Variants in ARHGAP42 observed in about 807,000 individuals in gnomAD.
The protein encoded by ARHGAP42 is rho GTPase-activating protein 42.
In ARHGAP42, 63 loss-of-function variants were observed where a neutral mutation model predicts 125.0. The ratio of observed to expected loss-of-function variants is 0.50; its 90% CI spans 0.41 to 0.62. The LOEUF (loss-of-function observed/expected upper bound fraction) is 0.62, where lower values mean the gene tolerates loss of function less well. Among genes scored for constraint, ARHGAP42 ranks in the 20% least tolerant of loss-of-function variants. The pLI is 0.00. For missense variants in ARHGAP42, 766 were observed against 1,024.2 expected, an observed-to-expected ratio of 0.75 and a Z score of 3.44; for synonymous variants, 339 against 351.0, an observed-to-expected ratio of 0.97 and a Z score of 0.38.
At position 100,989,163 on chromosome 11, in the gene ARHGAP42, C is replaced by G. The variant is rs1858765543; in HGVS notation, c.*362C>G. 2.5e-6 allele frequency: 1 copy of G among 399,698 alleles called. No homozygotes were observed. Among genetic ancestry groups the G allele is most frequent in the Admixed American group, 4.4e-5 (1 of 22,976 alleles). The allele number at this position is 399,698 out of a possible 1,614,324, so 24.8% of individuals were successfully genotyped here. Reference sequence around the variant, plus strand: ...AAATCTGCTATATGGATTTTGAGATCTGTCCTTTACTGCCTGGCATTCTCT... The same window carrying G: ...AAATCTGCTATATGGATTTTGAGATGTGTCCTTTACTGCCTGGCATTCTCT... On this transcript the variant is annotated 3_prime_UTR_variant, in exon 24 of 24. Coordinates refer to ENST00000298815, the MANE Select transcript of ARHGAP42 (RefSeq NM_152432.4).
intron 1 of ARHGAP42, among the ~76,000 whole-genome samples, chr11:100,749,970 T>C (rs947913156): frequency 2.0e-5 from 3 of 152,204 alleles, no homozygotes; most frequent in Admixed American, 6.5e-5. Context: ...TCCGCGTTGC[T>C]GAGAGCTCAG....
At chr11:100,917,052 T>TG (rs1565274728) in intron 5 of ARHGAP42, among the ~76,000 whole-genome samples, 1 of 145,330 alleles carries the variant, frequency 6.9e-6, no homozygotes, top group South Asian at 2.2e-4. Flanking sequence ...TGTGTGTGTG[T>TG]TACACATCAA....
At chr11:100,928,121 T>C (rs1459783751) in intron 6 of ARHGAP42, among the ~76,000 whole-genome samples, 1 of 152,182 alleles carries the variant, frequency 6.6e-6, no homozygotes, top group Non-Finnish European at 1.5e-5. Flanking sequence ...AGACTACAGA[T>C]TTAACTCACA....
At chr11:100,882,436 A>G (rs1017264851) in intron 4 of ARHGAP42, among the ~76,000 whole-genome samples, 1 of 150,770 alleles carries the variant, frequency 6.6e-6, no homozygotes, top group Non-Finnish European at 1.5e-5. Flanking sequence ...TATCACTGGT[A>G]TGAAACCCAC....
intron 2 of ARHGAP42, among the ~76,000 whole-genome samples, chr11:100,779,342 G>T (rs1863210138): frequency 6.6e-6 from 1 of 150,608 alleles, no homozygotes; most frequent in South Asian, 2.1e-4. Flanking sequence ...CTACTCGAGA[G>T]GCTGAGGGAG....
intron 5 of ARHGAP42, among the ~76,000 whole-genome samples, chr11:100,917,758 G>T (rs934246053): frequency 6.6e-6 from 1 of 152,060 alleles, no homozygotes; most frequent in Non-Finnish European, 1.5e-5. Flanking sequence ...TTTTAGTGGA[G>T]ACAGGGTTTC....
At chr11:100,904,079 C>G (rs1436525809) in intron 4 of ARHGAP42, among the ~76,000 whole-genome samples, 1 of 152,086 alleles carries the variant, frequency 6.6e-6, no homozygotes, top group Non-Finnish European at 1.5e-5. Context: ...CCCACACAGA[C>G]AGACCCAGGA....
At chr11:100,928,301 A>G (rs1867482671) in intron 6 of ARHGAP42, among the ~76,000 whole-genome samples, 1 of 152,104 alleles carries the variant, frequency 6.6e-6, no homozygotes, top group African/African-American at 2.4e-5. Flanking sequence ...TTTATTTTTT[A>G]AAAACAACTT....
chr11:100,715,739 T>C (rs1490348704), intron 1 of ARHGAP42, among the ~76,000 whole-genome samples: 1 of 152,178 alleles, frequency 6.6e-6, no homozygotes, highest in East Asian at 1.9e-4. Flanking sequence ...GAGATTGATA[T>C]TGGTGTGTGG....
At chr11:100,754,666 C>G (rs1862532333) in intron 1 of ARHGAP42, among the ~76,000 whole-genome samples, 1 of 152,070 alleles carries the variant, frequency 6.6e-6, no homozygotes, top group Non-Finnish European at 1.5e-5. Flanking sequence ...TGCTTTAGTT[C>G]CAGTATAATG....
chr11:100,859,665 ATAAT>A (rs752213544), intron 4 of ARHGAP42, 40 bp downstream of exon 4: 1 of 1,319,010 alleles, frequency 7.6e-7, no homozygotes, highest in South Asian at 1.6e-5. Context: ...TATTCTCCTG[ATAAT>A]TAAAGATGAC....
intron 1 of ARHGAP42, among the ~76,000 whole-genome samples, chr11:100,726,206 A>C (rs555192501): frequency 1.3e-5 from 2 of 152,338 alleles, no homozygotes; most frequent in Admixed American, 1.3e-4. Flanking sequence ...GAAGAGATGT[A>C]ACGAGCAAGC....
rs138452103 is a variant in ARHGAP42 at position 100,851,496 on chromosome 11, G to A, written c.313-8058G>A. ...TGGTGATGCCAGTGCAAACAAATCT[G>A]TGCTGCCCATCTGTGGAAGTATGGC... is the stretch of plus-strand genomic sequence containing the variant. On this transcript the variant is annotated intron_variant, in intron 3 of 23. Coordinates refer to ENST00000298815, the MANE Select transcript of ARHGAP42 (RefSeq NM_152432.4). Among the ~76,000 whole-genome samples the A allele has an allele frequency of 6.6e-3, 1,000 of 152,242 alleles. 12 individuals carry two copies. Among genetic ancestry groups the A allele is most frequent in the African/African-American group, 0.023 (948 of 41,564 alleles).
At chr11:100,746,112 C>T (rs1682949878) in intron 1 of ARHGAP42, among the ~76,000 whole-genome samples, 1 of 152,200 alleles carries the variant, frequency 6.6e-6, no homozygotes. Flanking sequence ...GCACAGTGTC[C>T]AGTAAAGGTC....
chr11:100,887,644 A>G (rs1866124000), intron 4 of ARHGAP42, among the ~76,000 whole-genome samples: 1 of 152,168 alleles, frequency 6.6e-6, no homozygotes. Context: ...GGACACAGAG[A>G]TGTCTGACCC....
At chr11:100,863,831 C>T (rs887811624) in intron 4 of ARHGAP42, among the ~76,000 whole-genome samples, 1 of 152,144 alleles carries the variant, frequency 6.6e-6, no homozygotes, top group Admixed American at 6.5e-5. Context: ...TGACACACTG[C>T]TGGTTTAAAT....
At chr11:100,850,667 T>C (rs1363202422) in intron 3 of ARHGAP42, among the ~76,000 whole-genome samples, 1 of 152,228 alleles carries the variant, frequency 6.6e-6, no homozygotes, top group Non-Finnish European at 1.5e-5. Flanking sequence ...AACATGTATC[T>C]GTTAACCTAT....
At chr11:100,941,492 G>A (rs942536153) in intron 8 of ARHGAP42, among the ~76,000 whole-genome samples, 22 of 152,074 alleles carry the variant, frequency 1.4e-4, no homozygotes, top group African/African-American at 5.3e-4. Context: ...TACCTCTATG[G>A]AGTACAAGTA....
chr11:100,983,957 A>C (rs1436723946), intron 22 of ARHGAP42, among the ~76,000 whole-genome samples: 1 of 152,164 alleles, frequency 6.6e-6, no homozygotes, highest in Non-Finnish European at 1.5e-5. Context: ...GTCTGCAAAA[A>C]ATATAAAACA....
Sources: allele counts gnomAD v4.1 joint callset (sites outside exome capture counted in the v4.1 genomes callset), GRCh38; gene constraint gnomAD v4.1.1; transcripts MANE v1.5; gene names NCBI Gene and HGNC (gene_info 2026-07-23, HGNC 2026-07-21).